Variants in TUBGCP3 observed in about 807,000 individuals in gnomAD.
TUBGCP3 encodes the protein tubulin gamma complex component 3.
In TUBGCP3, 50 loss-of-function variants were observed where a neutral mutation model predicts 123.1. That is an observed-to-expected ratio of 0.41 (90% CI 0.32 to 0.51). The LOEUF (loss-of-function observed/expected upper bound fraction) is 0.51, where lower values mean the gene tolerates loss of function less well. Among genes scored for constraint, TUBGCP3 ranks in the 20% least tolerant of loss-of-function variants. The probability of loss-of-function intolerance (pLI) is 0.36; values close to 1 mark genes in which losing one functional copy is unlikely to be tolerated. For synonymous variants in TUBGCP3, 405 were observed against 413.9 expected (o/e 0.98, Z 0.26); for missense variants, 882 against 1,127.0 (o/e 0.78, Z 3.11).
rs745519780 is a variant in TUBGCP3 at position 112,545,799 on chromosome 13, C to T, written c.1235G>A (p.Arg412Gln). ...AYTKTGDPYM[R>Q]SLVQHILSLV... ...GCTGAGGATGTGCTGCACCAGAGAC[C>T]GCATGTACGGGTCTCCTGTTTTTGT... Residue 412 changes from arginine to glutamine, a missense_variant, in exon 11 of 22, where the codon CGG (arginine) becomes CAG (glutamine). Around this residue, in one of 3 missense-constraint regions of TUBGCP3, gnomAD observed 713 missense variants for 874.0 expected, o/e 0.82. Coordinates refer to ENST00000261965, the MANE Select transcript of TUBGCP3 (RefSeq NM_006322.6). This position sits in a 1 kb window ranked among gnomAD's most constrained non-coding sequence, Gnocchi z 4.1. The T allele has an allele frequency of 1.1e-5, 17 of 1,614,042 alleles. No homozygotes were observed. The African/African-American group carries it at 1.7e-4, about 16-fold the overall frequency.
chr13:112,497,005 C>T (rs1447595118), intron 20 of TUBGCP3, among the ~76,000 whole-genome samples: 2 of 148,506 alleles, frequency 1.3e-5, no homozygotes, highest in South Asian at 2.1e-4. Flanking sequence ...AAAAAAAAAT[C>T]GGAGTGATTT....
chr13:112,522,928 G>T (rs1876742512), intron 13 of TUBGCP3, among the ~76,000 whole-genome samples: 1 of 152,206 alleles, frequency 6.6e-6, no homozygotes, highest in Non-Finnish European at 1.5e-5. Flanking sequence ...CGCAAAAGTT[G>T]AGTAGTAGTA....
At chr13:112,567,293 A>T (rs1462697893) in intron 2 of TUBGCP3, among the ~76,000 whole-genome samples, 3 of 152,254 alleles carry the variant, frequency 2.0e-5, no homozygotes, top group African/African-American at 7.2e-5. Context: ...ATCCACTGCA[A>T]CAAAGTAGCT....
upstream of TUBGCP3, among the ~76,000 whole-genome samples, chr13:112,591,398 G>A (rs566642827): frequency 3.3e-5 from 5 of 152,294 alleles, no homozygotes; most frequent in South Asian, 4.2e-4. Flanking sequence ...TATAATCATC[G>A]TCAGTAGATG....
At chr13:112,585,460 C>T (rs986720484) in intron 1 of TUBGCP3, among the ~76,000 whole-genome samples, 1 of 152,078 alleles carries the variant, frequency 6.6e-6, no homozygotes, top group Admixed American at 6.5e-5. Flanking sequence ...GACTTCATGA[C>T]ATAATTTATT....
chr13:112,498,821 G>C, intron 20 of TUBGCP3: 1 of 1,567,416 alleles, frequency 6.4e-7, no homozygotes, highest in Non-Finnish European at 8.7e-7. Context: ...CATGAATGCT[G>C]CTGTTTTTAT....
chr13:112,492,539 C>T (rs1050166830), intron 20 of TUBGCP3, among the ~76,000 whole-genome samples: 3 of 152,236 alleles, frequency 2.0e-5, no homozygotes, highest in Admixed American at 2.0e-4. Flanking sequence ...CACCTCTCCC[C>T]CCAGAGGAGC....
chr13:112,508,734 C>T lies in TUBGCP3; in HGVS notation c.2087-4020G>A, dbSNP rs1881468431. On this transcript the variant is annotated intron_variant, in intron 17 of 21. Transcript: ENST00000261965. The surrounding 1 kb of genome is among the most constrained non-coding windows in gnomAD (Gnocchi z 4.2). ...AATCACTATCCCCCCCAAAGAAGCT[C>T]TTCCTCCAGTGCTCCCTGGGTGGTA... is the stretch of plus-strand genomic sequence containing the variant. Among the ~76,000 whole-genome samples the T allele has an allele frequency of 6.6e-6, 1 of 152,196 alleles. No individual in the cohort carries two copies. Among genetic ancestry groups the T allele is most frequent in the Non-Finnish European group, 1.5e-5 (1 of 68,026 alleles).
the TUBGCP3 span, chr13:112,604,906 G>A: frequency 2.0e-5 from 3 of 152,208 alleles, no homozygotes; most frequent in African/African-American, 7.2e-5. Flanking sequence ...TCACATGGAT[G>A]TGCTGCTCTT....
At chr13:112,556,266 C>T in intron 5 of TUBGCP3, 42 bp from the exon 6 acceptor site, 1 of 1,573,656 alleles carries the variant, frequency 6.4e-7, no homozygotes, top group Non-Finnish European at 8.7e-7. Context: ...AGGCTATTCG[C>T]TGAAGAGACA....
chr13:112,498,659 A>T, intron 20 of TUBGCP3: 2 of 1,031,442 alleles, frequency 1.9e-6, no homozygotes, highest in Non-Finnish European at 2.7e-6. Context: ...GAGCACCTGT[A>T]GATGCACACG....
intron 20 of TUBGCP3, among the ~76,000 whole-genome samples, chr13:112,496,929 T>A (rs1388343921): frequency 6.7e-6 from 1 of 148,170 alleles, no homozygotes; most frequent in African/African-American, 2.5e-5. Flanking sequence ...GAGCCTGCAG[T>A]GAGCCGAGAT....
intron 1 of TUBGCP3, chr13:112,584,229 A>T (rs1157571308): frequency 6.6e-6 from 1 of 152,198 alleles, no homozygotes; most frequent in African/African-American, 2.4e-5. Flanking sequence ...GCTTCTTTAC[A>T]CTATTACGAT....
At chr13:112,538,964 A>G (rs1280889471) in intron 11 of TUBGCP3, among the ~76,000 whole-genome samples, 1 of 152,244 alleles carries the variant, frequency 6.6e-6, no homozygotes, top group Non-Finnish European at 1.5e-5. Context: ...ACTTAGAGTA[A>G]ATTAAAGAGA....
intron 1 of TUBGCP3, among the ~76,000 whole-genome samples, chr13:112,576,778 T>C (rs1458828746): frequency 6.6e-6 from 1 of 151,294 alleles, no homozygotes; most frequent in African/African-American, 2.4e-5. Context: ...TAGAGGAAAA[T>C]TTATAGCATA....
At chr13:112,507,778 C>T (rs1237446716) in intron 17 of TUBGCP3, among the ~76,000 whole-genome samples, 7 of 152,098 alleles carry the variant, frequency 4.6e-5, no homozygotes, top group Admixed American at 1.3e-4. Context: ...TTCACTGTTG[C>T]GCTATTTATG....
the TUBGCP3 span, among the ~76,000 whole-genome samples, chr13:112,597,809 AG>A: frequency 6.6e-6 from 1 of 152,214 alleles, no homozygotes; most frequent in Non-Finnish European, 1.5e-5. Flanking sequence ...TGAAATACAT[AG>A]GGGACAGAGT....
chr13:112,587,674 C>T (rs1451169761), intron 1 of TUBGCP3, among the ~76,000 whole-genome samples: 2 of 152,094 alleles, frequency 1.3e-5, no homozygotes, highest in African/African-American at 2.4e-5. Flanking sequence ...CCTCTCCACT[C>T]CCTCCGCCCC....
chr13:112,578,109 G>C (rs543753115), intron 1 of TUBGCP3, among the ~76,000 whole-genome samples: 9 of 152,252 alleles, frequency 5.9e-5, no homozygotes, highest in Admixed American at 3.3e-4. Flanking sequence ...CTGTGCTAAA[G>C]GGCGGAAGGC....
Sources: allele counts gnomAD v4.1 joint callset (sites outside exome capture counted in the v4.1 genomes callset), GRCh38; gene constraint gnomAD v4.1.1; regional missense constraint gnomAD v4.1.1; non-coding constraint Gnocchi (gnomAD v3.1); transcripts MANE v1.5; gene names NCBI Gene and HGNC (gene_info 2026-07-23, HGNC 2026-07-21).